Variants in NAALADL2 observed in about 807,000 individuals in gnomAD.
NAALADL2 encodes the protein inactive N-acetylated-alpha-linked acidic dipeptidase-like protein 2.
In NAALADL2, 76 loss-of-function variants were observed where a neutral mutation model predicts 87.2. The ratio of observed to expected loss-of-function variants is 0.87; its 90% CI spans 0.72 to 1.05. The LOEUF (loss-of-function observed/expected upper bound fraction) is 1.05, where lower values mean the gene tolerates loss of function less well. NAALADL2 is among the 50% of genes least tolerant of loss of function. NAALADL2 has a pLI of 0.00. For missense variants in NAALADL2, 1,089 were observed against 945.8 expected (o/e 1.15, Z -1.99); for synonymous variants, 354 against 331.0 (o/e 1.07, Z -0.75).
chr3:175,020,712 ATTCTGCCATACC>A (rs1040287962), intron 1 of NAALADL2, among the ~76,000 whole-genome samples: 2 of 152,030 alleles, frequency 1.3e-5, no homozygotes, highest in African/African-American at 4.8e-5. Context: ...TATCACTTTG[ATTCTGCCATACC>A]AGTTCAGAAG....
chr3:174,512,251 T>G (rs1719648679), intron 1 of NAALADL2, among the ~76,000 whole-genome samples: 1 of 152,218 alleles, frequency 6.6e-6, no homozygotes, highest in Non-Finnish European at 1.5e-5. Context: ...TTTCACTGTC[T>G]TCTTTTAGTG....
chr3:174,690,053 T>C (rs1356372806), intron 2 of NAALADL2, among the ~76,000 whole-genome samples: 3 of 152,206 alleles, frequency 2.0e-5, no homozygotes, highest in African/African-American at 7.2e-5. Flanking sequence ...TGCTTTGTCA[T>C]CCTTGTAAAT....
At chr3:174,786,312 G>A (rs1716635465) in intron 3 of NAALADL2, among the ~76,000 whole-genome samples, 2 of 151,770 alleles carry the variant, frequency 1.3e-5, no homozygotes, top group African/African-American at 2.4e-5. Context: ...TTAGCCGGGT[G>A]TGGTGGCATG....
intron 5 of NAALADL2, among the ~76,000 whole-genome samples, chr3:175,338,761 G>C (rs1253832615): frequency 1.3e-5 from 2 of 152,004 alleles, no homozygotes; most frequent in Admixed American, 1.3e-4. Context: ...GAGTGCAAGA[G>C]TTCCTTGAGT....
chr3:174,953,050 T>G (rs1314949313), intron 1 of NAALADL2, among the ~76,000 whole-genome samples: 1 of 151,942 alleles, frequency 6.6e-6, no homozygotes, highest in Non-Finnish European at 1.5e-5. Context: ...CATTTAATCC[T>G]TACAACAACC....
At chr3:175,563,633 G>A (rs1301423482) in intron 9 of NAALADL2, among the ~76,000 whole-genome samples, 1 of 152,104 alleles carries the variant, frequency 6.6e-6, no homozygotes, top group Non-Finnish European at 1.5e-5. Flanking sequence ...TTATTGTGCT[G>A]ATCAATATAG....
rs183761908 is a variant in NAALADL2 at position 175,596,990 on chromosome 3, G to A, written c.1800+20803G>A. Among the ~76,000 whole-genome samples, 35 of 152,024 alleles carry A rather than the reference G, an allele frequency of 2.3e-4. No individual in the cohort carries two copies. The East Asian group carries it at 6.6e-3, about 29-fold the overall frequency. ...AATGGAAAGAGGTTTTTAAAAGATG[G>A]CATTTATATGTAATATATGTAGAAG... On this transcript the variant is annotated intron_variant, in intron 10 of 13. Coordinates refer to ENST00000454872, the MANE Select transcript of NAALADL2 (RefSeq NM_207015.3).
At chr3:174,894,614 A>AGCTTGGGCT in intron 1 of NAALADL2, among the ~76,000 whole-genome samples, 1 of 45,024 alleles carries the variant, frequency 2.2e-5, no homozygotes, top group East Asian at 1.4e-3. Context: ...AAAAAAAAAA[A>AGCTTGGGCT]AAAAAAAAAA....
At chr3:174,964,578 G>A in intron 1 of NAALADL2, among the ~76,000 whole-genome samples, 1 of 152,032 alleles carries the variant, frequency 6.6e-6, no homozygotes. Context: ...AAGACTATAA[G>A]GGAGGATGAT....
At chr3:174,927,941 A>G (rs1293186461) in intron 1 of NAALADL2, among the ~76,000 whole-genome samples, 1 of 152,172 alleles carries the variant, frequency 6.6e-6, no homozygotes, top group African/African-American at 2.4e-5. Flanking sequence ...GAAGAGATCT[A>G]CATGCTTTTC....
In NAALADL2 at chr3:175,780,293, A is replaced by G. The variant is rs1750868263; in HGVS notation, c.2190-22712A>G. ...TCTGTCTCAAAAAAAAAAAACCAAT[A>G]AAAAGAATTTTTCCTCATAGTCTAG... On this transcript the variant is annotated intron_variant, in intron 13 of 13. Transcript: ENST00000454872. 2.0e-5 allele frequency among the ~76,000 whole-genome samples: 3 copies of G among 151,770 alleles called. 1 individual carries two copies. Among genetic ancestry groups the G allele is most frequent in the South Asian group, 4.2e-4 (2 of 4,806 alleles).
At chr3:174,762,010 A>G (rs938960348) in intron 3 of NAALADL2, among the ~76,000 whole-genome samples, 1 of 152,044 alleles carries the variant, frequency 6.6e-6, no homozygotes. Flanking sequence ...AGAGTTATAC[A>G]TCTCTGGGCT....
chr3:175,183,963 A>G (rs1736971682), intron 2 of NAALADL2, among the ~76,000 whole-genome samples: 1 of 147,958 alleles, frequency 6.8e-6, no homozygotes, highest in African/African-American at 2.5e-5. Context: ...GCCACCCTCA[A>G]AGTGAGACTG....
At chr3:175,330,884 T>A (rs1004995886) in intron 5 of NAALADL2, among the ~76,000 whole-genome samples, 1 of 151,824 alleles carries the variant, frequency 6.6e-6, no homozygotes, top group African/African-American at 2.4e-5. Context: ...TTTGAAAAGA[T>A]AAAATAGATA....
At chr3:175,074,303 G>A (rs115586912) in intron 1 of NAALADL2, among the ~76,000 whole-genome samples, 376 of 152,096 alleles carry the variant, frequency 2.5e-3, no homozygotes, top group African/African-American at 8.6e-3. Context: ...AGCTATTAAC[G>A]TGAGGATATA....
At chr3:174,624,129 C>A (rs888665172) in intron 2 of NAALADL2, among the ~76,000 whole-genome samples, 1 of 152,038 alleles carries the variant, frequency 6.6e-6, no homozygotes, top group African/African-American at 2.4e-5. Context: ...GAAAACATTT[C>A]TGCATAAACA....
At chr3:174,927,465 A>T (rs1010831534) in intron 1 of NAALADL2, among the ~76,000 whole-genome samples, 1 of 152,038 alleles carries the variant, frequency 6.6e-6, no homozygotes, top group Admixed American at 6.6e-5. Flanking sequence ...GAAGTAAAGC[A>T]CTCCTCAGCA....
intron 3 of NAALADL2, among the ~76,000 whole-genome samples, chr3:174,829,303 C>G (rs1722357530): frequency 6.9e-6 from 1 of 143,960 alleles, no homozygotes; most frequent in African/African-American, 2.6e-5. Context: ...GTGTGATGTT[C>G]CCCTTCCTGT....
chr3:175,128,581 T>A (rs1312466544), intron 2 of NAALADL2, among the ~76,000 whole-genome samples: 2 of 152,140 alleles, frequency 1.3e-5, no homozygotes, highest in East Asian at 1.9e-4. Flanking sequence ...CTGTATTGTT[T>A]CAGTTCATTT....
Sources: gnomAD v4.1 joint callset for allele counts (sites outside exome capture counted in the v4.1 genomes callset) on GRCh38, gnomAD v4.1.1 for gene constraint, MANE v1.5 for transcripts, NCBI Gene and HGNC (gene_info 2026-07-23, HGNC 2026-07-21) for gene names.